The following DNM3 variants were observed in gnomAD, a reference collection of about 807,000 sequenced individuals.
DNM3 encodes the protein dynamin 3.
DNM3 carries 47 observed loss-of-function variants against 101.6 expected under a neutral mutation model. That is an observed-to-expected ratio of 0.46 (90% CI 0.37 to 0.59). DNM3 has a LOEUF of 0.59. Among genes scored for constraint, DNM3 ranks in the 20% least tolerant of loss-of-function variants. DNM3 has a pLI of 0.00. For missense variants in DNM3, 849 were observed against 1,085.7 expected (o/e 0.78, Z 3.06); for synonymous variants, 385 against 387.9 (o/e 0.99, Z 0.09).
intron 4 of DNM3, among the ~76,000 whole-genome samples, chr1:172,001,611 C>A (rs1040736837): frequency 6.6e-6 from 1 of 151,880 alleles, no homozygotes; most frequent in Non-Finnish European, 1.5e-5. Flanking sequence ...TATTTCACAG[C>A]AAATGAATTT....
chr1:172,058,352 A>G (rs1236619160), intron 10 of DNM3, among the ~76,000 whole-genome samples: 2 of 151,130 alleles, frequency 1.3e-5, no homozygotes, highest in Non-Finnish European at 2.9e-5. Context: ...GACCTAATAG[A>G]CATCTACAGA....
chr1:172,330,680 G>T (rs2066143359), intron 17 of DNM3, among the ~76,000 whole-genome samples: 2 of 152,010 alleles, frequency 1.3e-5, no homozygotes, highest in African/African-American at 4.8e-5. Flanking sequence ...TCAAAAAAAG[G>T]TTTTGAAATA....
At chr1:172,273,590 G>T (rs1428646998) in intron 15 of DNM3, among the ~76,000 whole-genome samples, 1 of 151,994 alleles carries the variant, frequency 6.6e-6, no homozygotes, top group African/African-American at 2.4e-5. Flanking sequence ...ATTATTAAGG[G>T]TGTGGTAGAA....
intron 2 of DNM3, among the ~76,000 whole-genome samples, chr1:171,937,171 A>G (rs949887300): frequency 2.6e-5 from 4 of 152,262 alleles, no homozygotes; most frequent in African/African-American, 9.6e-5. Context: ...AACAACATTG[A>G]AAACACTTTA....
chr1:171,982,070 A>G (rs1400011545), intron 2 of DNM3, among the ~76,000 whole-genome samples: 1 of 152,218 alleles, frequency 6.6e-6, no homozygotes, highest in Non-Finnish European at 1.5e-5. Flanking sequence ...AGAACATGTC[A>G]AGAGAGCTCA....
At chr1:171,892,170 T>C (rs1436937717) in intron 1 of DNM3, among the ~76,000 whole-genome samples, 2 of 152,110 alleles carry the variant, frequency 1.3e-5, no homozygotes, top group African/African-American at 4.8e-5. Context: ...ATTGTGTGTG[T>C]GTGCGTGTGT....
Position 171,975,691 on chromosome 1 carries a change from A to G in DNM3, c.236-11965A>G, listed in dbSNP as rs184604257. On this transcript the variant is annotated intron_variant, in intron 2 of 20. Transcript: ENST00000627582. ...GTTACAATGTTGCAGATAAAGATTC[A>G]AAAGATAGATTGTTTTGTAGAAACT... Among the ~76,000 whole-genome samples the G allele has an allele frequency of 2.3e-3, 349 of 152,390 alleles. 1 individual carries two copies. Among genetic ancestry groups the G allele is most frequent in the Non-Finnish European group, 3.2e-3 (215 of 68,044 alleles).
chr1:172,342,536 T>C (rs1479923242), intron 17 of DNM3, among the ~76,000 whole-genome samples: 3 of 152,158 alleles, frequency 2.0e-5, no homozygotes. Flanking sequence ...ATGTTTTCAT[T>C]TATAAGTGAG....
chr1:172,157,392 T>C (rs997136709), intron 14 of DNM3, among the ~76,000 whole-genome samples: 1 of 152,116 alleles, frequency 6.6e-6, no homozygotes, highest in African/African-American at 2.4e-5. Flanking sequence ...GGCCAAGGAC[T>C]GGTACTGCGT....
chr1:171,841,554 C>A lies in DNM3; in HGVS notation c.-103C>A, dbSNP rs371499940. The A allele has an allele frequency of 3.0e-5, 44 of 1,461,854 alleles. No homozygotes were observed. In the East Asian group the frequency reaches 5.3e-4, roughly 18 times the overall value. The allele number at this position is 1,461,854 out of a possible 1,614,324, so 90.6% of individuals were successfully genotyped here. The stretch of plus-strand genomic sequence containing the variant: ...GACGTCTGCGCCAGGACCTGGCTGG[C>A]TGAGCCCGGCGCAGCAGCAGCAGCC... On this transcript the variant is annotated 5_prime_UTR_variant, in exon 1 of 21. It adds an upstream start codon to the 5' untranslated region. Transcript: ENST00000627582.
chr1:172,336,782 A>G (rs1471101476), intron 17 of DNM3, among the ~76,000 whole-genome samples: 2 of 151,864 alleles, frequency 1.3e-5, no homozygotes, highest in South Asian at 4.2e-4. Flanking sequence ...TTAGAGGGAT[A>G]AGGGAATGCA....
At chr1:171,923,736 ATAATGTG>A (rs2040353050) in intron 2 of DNM3, among the ~76,000 whole-genome samples, 1 of 152,144 alleles carries the variant, frequency 6.6e-6, no homozygotes, top group Admixed American at 6.5e-5. Context: ...GTTATATTGC[ATAATGTG>A]TAATGCTGAG....
At chr1:172,145,487 A>G (rs1001948632) in intron 14 of DNM3, among the ~76,000 whole-genome samples, 1 of 151,800 alleles carries the variant, frequency 6.6e-6, no homozygotes, top group African/African-American at 2.4e-5. Flanking sequence ...CTAGACTTGA[A>G]CAGTAATTAT....
chr1:172,158,874 A>G lies in DNM3; in HGVS notation c.1659+27586A>G, dbSNP rs537843965. Among the ~76,000 whole-genome samples the G allele has an allele frequency of 3.4e-4, 51 of 152,238 alleles. 2 individuals are homozygous for G. In the South Asian group the frequency reaches 5.2e-3, roughly 15 times the overall value. ...GCTACAGTTATAAGCATTATGGCTT[A>G]ATAAATTAGGTGTTACTTTATTAAA... On this transcript the variant is annotated intron_variant, in intron 14 of 20. Coordinates refer to ENST00000627582, the MANE Select transcript of DNM3 (RefSeq NM_015569.5).
intron 17 of DNM3, among the ~76,000 whole-genome samples, chr1:172,333,706 A>G (rs2066293121): frequency 6.6e-6 from 1 of 152,186 alleles, no homozygotes; most frequent in African/African-American, 2.4e-5. Flanking sequence ...AAACAATAAT[A>G]TTTAAATAAG....
intron 13 of DNM3, among the ~76,000 whole-genome samples, chr1:172,106,847 C>CTTTCTT (rs2055063800): frequency 1.5e-5 from 1 of 67,958 alleles, no homozygotes; most frequent in Non-Finnish European, 2.5e-5. Flanking sequence ...TAACATTATT[C>CTTTCTT]TTTTTTTTTT....
In DNM3 at chr1:172,409,826, G is replaced by A; in HGVS notation, c.*1985G>A. On this transcript the variant is annotated 3_prime_UTR_variant, in exon 21 of 21. Transcript: ENST00000627582. ...ATTATATACTTCAGGGTTTGGCTTT[G>A]TGCTAAATGTGGTTTTGTGTTTTGC... is the stretch of plus-strand genomic sequence containing the variant. The A allele has an allele frequency of 6.1e-6, 6 of 985,646 alleles. No homozygotes were observed. The highest frequency in any genetic ancestry group is 7.2e-6 in the Non-Finnish European group (6 of 829,842). The allele number at this position is 985,646 out of a possible 1,614,324, so 61.1% of individuals were successfully genotyped here.
chr1:172,025,423 G>A (rs1461270405), intron 4 of DNM3, among the ~76,000 whole-genome samples: 1 of 152,206 alleles, frequency 6.6e-6, no homozygotes, highest in Non-Finnish European at 1.5e-5. Context: ...AGAGAGCAGT[G>A]GATCTCTTAG....
At chr1:172,126,701 C>T (rs959350135) in intron 13 of DNM3, among the ~76,000 whole-genome samples, 4 of 151,550 alleles carry the variant, frequency 2.6e-5, no homozygotes, top group Admixed American at 6.6e-5. Context: ...TTCTTGTCTT[C>T]GTTTACACGG....
Sources: allele counts gnomAD v4.1 joint callset (sites outside exome capture counted in the v4.1 genomes callset), GRCh38; gene constraint gnomAD v4.1.1; transcripts MANE v1.5; gene names NCBI Gene and HGNC (gene_info 2026-07-23, HGNC 2026-07-21).